COG5: variants seen among roughly 807,000 people sequenced by gnomAD.
The protein encoded by COG5 is component of oligomeric golgi complex 5.
Under a neutral mutation model 110.4 loss-of-function variants are expected in COG5, and 86 were observed. That is an observed-to-expected ratio of 0.78 (90% CI 0.65 to 0.93). The LOEUF is 0.93. Ranked by LOEUF, COG5 falls within the 40% of genes least tolerant of loss-of-function variation. The pLI is 0.00. For missense variants in COG5, 1,077 were observed against 987.0 expected (o/e 1.09, Z -1.22); for synonymous variants, 360 against 334.6 (o/e 1.08, Z -0.83).
At chr7:107,214,737 C>T (rs558942978) in intron 19 of COG5, among the ~76,000 whole-genome samples, 1 of 152,120 alleles carries the variant, frequency 6.6e-6, no homozygotes, top group African/African-American at 2.4e-5. Context: ...GCCTGGTCAA[C>T]ATGGCAAAAC....
At chr7:107,404,666 G>A (rs1364696772) in intron 7 of COG5, among the ~76,000 whole-genome samples, 1 of 152,020 alleles carries the variant, frequency 6.6e-6, no homozygotes, top group Non-Finnish European at 1.5e-5. Flanking sequence ...ACGTTTAAAT[G>A]TTGATGAGAA....
chr7:107,561,901 C>T (rs529951603), intron 1 of COG5, among the ~76,000 whole-genome samples: 3 of 151,850 alleles, frequency 2.0e-5, no homozygotes, highest in African/African-American at 7.3e-5. Flanking sequence ...GCGTGAACCC[C>T]GGAGGCAGAG....
intron 6 of COG5, among the ~76,000 whole-genome samples, chr7:107,507,351 T>C (rs1376006102): frequency 6.6e-6 from 1 of 150,600 alleles, no homozygotes; most frequent in African/African-American, 2.4e-5. Context: ...TGGAGTGCAG[T>C]GGTGCAATCT....
chr7:107,528,378 C>A (rs1338429218), intron 5 of COG5, among the ~76,000 whole-genome samples: 1 of 152,148 alleles, frequency 6.6e-6, no homozygotes, highest in African/African-American at 2.4e-5. Flanking sequence ...TGTGAGCCAC[C>A]ATGCGTGGTG....
chr7:107,473,072 G>A (rs1354355222), intron 6 of COG5: 1 of 151,416 alleles, frequency 6.6e-6, no homozygotes, highest in Non-Finnish European at 1.5e-5. Context: ...TATACAAAAG[G>A]CTTCACAGGT....
chr7:107,306,182 A>C (rs1554410269), intron 11 of COG5, among the ~76,000 whole-genome samples: 1 of 152,194 alleles, frequency 6.6e-6, no homozygotes, highest in Non-Finnish European at 1.5e-5. Context: ...AATCAGTTTT[A>C]CATAAAAAAT....
chr7:107,405,598 C>T (rs1791776082), intron 7 of COG5, among the ~76,000 whole-genome samples: 1 of 152,186 alleles, frequency 6.6e-6, no homozygotes, highest in African/African-American at 2.4e-5. Context: ...TCAATTTATA[C>T]ATAAGAAATA....
intron 6 of COG5, among the ~76,000 whole-genome samples, chr7:107,501,828 G>C (rs1484509723): frequency 6.6e-6 from 1 of 151,996 alleles, no homozygotes; most frequent in Non-Finnish European, 1.5e-5. Flanking sequence ...GCAATTTAGA[G>C]ACCATTTAAA....
At chr7:107,405,165 A>G (rs1038226484) in intron 7 of COG5, among the ~76,000 whole-genome samples, 2 of 152,192 alleles carry the variant, frequency 1.3e-5, no homozygotes, top group African/African-American at 2.4e-5. Context: ...ATCTTCAGTT[A>G]ATTTCCTAAC....
chr7:107,500,780 A>G (rs2129135905), intron 6 of COG5, among the ~76,000 whole-genome samples: 1 of 152,300 alleles, frequency 6.6e-6, no homozygotes, highest in East Asian at 1.9e-4. Flanking sequence ...GAGATTTCAA[A>G]TCTCTAACAC....
chr7:107,312,544 A>G (rs1808362469), intron 11 of COG5, among the ~76,000 whole-genome samples: 1 of 152,188 alleles, frequency 6.6e-6, no homozygotes, highest in Non-Finnish European at 1.5e-5. Flanking sequence ...TGAGACTGAA[A>G]AGACAAGTAT....
intron 10 of COG5, 98 bp downstream of exon 10, chr7:107,361,935 G>T: frequency 5.3e-6 from 4 of 759,130 alleles, no homozygotes; most frequent in Non-Finnish European, 2.3e-6. Flanking sequence ...CATCTGATAT[G>T]TAGCCACTCT....
chr7:107,465,201 T>C (rs1020220352), intron 6 of COG5, among the ~76,000 whole-genome samples: 5 of 152,106 alleles, frequency 3.3e-5, no homozygotes, highest in African/African-American at 2.4e-5. Flanking sequence ...TTGCAGACAA[T>C]TGTCTATATA....
chr7:107,287,858 T>C (rs796116256), intron 12 of COG5, among the ~76,000 whole-genome samples: 13 of 152,362 alleles, frequency 8.5e-5, no homozygotes, highest in African/African-American at 3.1e-4. Flanking sequence ...ATATTGTATA[T>C]ATTTTAATTG....
intron 11 of COG5, among the ~76,000 whole-genome samples, chr7:107,316,657 C>CAAAAAAAAAAAAA (rs760555445): frequency 1.1e-4 from 8 of 75,886 alleles, no homozygotes; most frequent in Middle Eastern, 8.3e-3. Context: ...ACTAAAAATA[C>CAAAAAAAAAAAAA]AAAAAAAAAA....
chr7:107,448,299 T>A (rs908023017), intron 6 of COG5, among the ~76,000 whole-genome samples: 8 of 152,208 alleles, frequency 5.3e-5, no homozygotes, highest in Non-Finnish European at 1.0e-4. Flanking sequence ...TCTCAATACT[T>A]GTGTGATTAC....
intron 6 of COG5, among the ~76,000 whole-genome samples, chr7:107,421,167 T>G (rs1793261970): frequency 6.6e-6 from 1 of 152,190 alleles, no homozygotes; most frequent in Non-Finnish European, 1.5e-5. Flanking sequence ...GACATTATAC[T>G]TTAAAAACAT....
At chr7:107,209,093 T>A (rs1020373857) in intron 21 of COG5, 2 of 985,294 alleles carry the variant, frequency 2.0e-6, no homozygotes, top group Admixed American at 6.1e-5. Context: ...AACCACCTCA[T>A]CATGTCAGCC....
chr7:107,549,462 C>A (rs564251756), intron 3 of COG5, among the ~76,000 whole-genome samples: 11 of 152,052 alleles, frequency 7.2e-5, no homozygotes, highest in South Asian at 2.1e-4. Context: ...CTTGATCCCC[C>A]CTCACTGCAT....
Sources: gnomAD v4.1 joint callset for allele counts (sites outside exome capture counted in the v4.1 genomes callset) on GRCh38, gnomAD v4.1.1 for gene constraint, MANE v1.5 for transcripts, NCBI Gene and HGNC (gene_info 2026-07-23, HGNC 2026-07-21) for gene names.